The following EYS variants were observed in gnomAD, a reference collection of about 807,000 sequenced individuals.
EYS encodes the protein EGF-like photoreceptor maintenance factor, also known as protein eyes shut homolog.
In EYS, 250 loss-of-function variants were observed where a neutral mutation model predicts 282.1. That is an observed-to-expected ratio of 0.89 (90% CI 0.80 to 0.98). EYS has a LOEUF of 0.98. Among genes scored for constraint, EYS ranks in the 50% least tolerant of loss-of-function variants. EYS has a pLI of 0.00. For synonymous variants in EYS, 1,355 were observed against 1,282.9 expected, an observed-to-expected ratio of 1.06 and a Z score of -1.20; for missense variants, 4,016 against 3,709.0, an observed-to-expected ratio of 1.08 and a Z score of -2.15.
intron 22 of EYS, among the ~76,000 whole-genome samples, chr6:64,713,929 T>C (rs1471727272): frequency 6.6e-6 from 1 of 152,230 alleles, no homozygotes; most frequent in African/African-American, 2.4e-5. Flanking sequence ...ACTGAAGGCA[T>C]TATGTTCCAA....
chr6:64,522,007 C>A (rs558587748), intron 26 of EYS, among the ~76,000 whole-genome samples: 2 of 151,858 alleles, frequency 1.3e-5, no homozygotes, highest in Admixed American at 1.3e-4. Context: ...TATAAATACA[C>A]ATTTTTCATA....
At chr6:63,852,156 C>A (rs867568662) in intron 36 of EYS, among the ~76,000 whole-genome samples, 60 of 54,972 alleles carry the variant, frequency 1.1e-3, no homozygotes, top group African/African-American at 2.5e-3. Flanking sequence ...GACTCTGTCT[C>A]AAAAAAAAAA....
At chr6:65,411,657 T>C (rs112621094) in intron 5 of EYS, among the ~76,000 whole-genome samples, 1 of 152,002 alleles carries the variant, frequency 6.6e-6, no homozygotes, top group Non-Finnish European at 1.5e-5. Context: ...TCCTGATCAC[T>C]GACAACCATC....
intron 1 of EYS, among the ~76,000 whole-genome samples, chr6:65,704,600 C>A (rs1316077677): frequency 1.3e-5 from 2 of 152,168 alleles, no homozygotes; most frequent in African/African-American, 2.4e-5. Flanking sequence ...ACATTTATAA[C>A]TTAATATTCG....
intron 22 of EYS, among the ~76,000 whole-genome samples, chr6:64,735,730 A>T (rs1246551760): frequency 2.0e-5 from 3 of 152,298 alleles, no homozygotes; most frequent in African/African-American, 7.2e-5. Flanking sequence ...ATAGTGTCTG[A>T]CAAAAGTATT....
chr6:64,590,524 C>T lies in EYS; in HGVS notation c.5343G>A (p.Val1781=), dbSNP rs1369443470. ...KNNLPPLTGS[V]PDFSEVTTNV... is the part of the protein sequence containing the mutation. ...TGGTGGTGACTTCTGAAAAATCAGG[C>T]ACTGAGCCTGTCAATGGTGGCAGAT... Residue 1781 remains valine (V), a synonymous_variant, in exon 26 of 43, where the codon GTG becomes GTA. Transcript: ENST00000503581. 16 of 1,551,296 alleles carry T rather than the reference C, an allele frequency of 1.0e-5. No individual in the cohort carries two copies. Among genetic ancestry groups the T allele is most frequent in the Admixed American group, 2.0e-5 (1 of 50,950 alleles).
At chr6:63,821,217 A>T (rs1238400735) in intron 36 of EYS, 1 of 151,742 alleles carries the variant, frequency 6.6e-6, no homozygotes, top group Non-Finnish European at 1.5e-5. Context: ...TGTGACTGGA[A>T]AATTTCTTAT....
At chr6:63,747,330 A>G (rs908218020) in intron 41 of EYS, among the ~76,000 whole-genome samples, 1 of 152,060 alleles carries the variant, frequency 6.6e-6, no homozygotes, top group Admixed American at 6.6e-5. Flanking sequence ...TAAGATTTCC[A>G]TCTTTTGCAT....
chr6:64,097,316 G>T (rs762394646), intron 31 of EYS, among the ~76,000 whole-genome samples: 8 of 152,178 alleles, frequency 5.3e-5, no homozygotes, highest in African/African-American at 9.7e-5. Context: ...AGAGGTTTCT[G>T]CTGCCTTTTG....
At chr6:64,016,099 C>G (rs1012341291) in intron 33 of EYS, among the ~76,000 whole-genome samples, 1 of 152,130 alleles carries the variant, frequency 6.6e-6, no homozygotes, top group East Asian at 1.9e-4. Context: ...TGTCCTGCCT[C>G]CTATTAAAAG....
intron 33 of EYS, among the ~76,000 whole-genome samples, chr6:64,042,055 C>T (rs538486128): frequency 2.6e-5 from 4 of 152,124 alleles, no homozygotes; most frequent in Non-Finnish European, 5.9e-5. Context: ...TTAGAAAAAT[C>T]TCTATCCTTT....
chr6:65,521,576 C>T (rs955698425), intron 2 of EYS, among the ~76,000 whole-genome samples: 5 of 152,110 alleles, frequency 3.3e-5, no homozygotes, highest in South Asian at 2.1e-4. Flanking sequence ...CATAGCCAAA[C>T]ATACCTGACA....
chr6:64,703,150 C>G (rs1223513667), intron 22 of EYS, among the ~76,000 whole-genome samples: 1 of 151,662 alleles, frequency 6.6e-6, no homozygotes, highest in Non-Finnish European at 1.5e-5. Flanking sequence ...GAAAAAGGAC[C>G]TGATTAACTC....
chr6:64,536,610 C>T (rs2149796484), intron 26 of EYS, among the ~76,000 whole-genome samples: 1 of 151,952 alleles, frequency 6.6e-6, no homozygotes, highest in African/African-American at 2.4e-5. Context: ...ATTTTCTCCC[C>T]AAAATTTGGG....
rs192359749 is a variant in EYS at position 65,105,840 on chromosome 6, G to C, written c.2024-48113C>G. Among the ~76,000 whole-genome samples, 96 of 151,968 alleles carry C rather than the reference G, an allele frequency of 6.3e-4. 1 individual carries two copies. The highest frequency in any genetic ancestry group is 2.3e-3 in the African/African-American group (94 of 41,528). ...TAATTTACATGCTATTGCTAGAGCA[G>C]GAAAATTATATCTTTGGAGAGATTA... is the stretch of plus-strand genomic sequence containing the variant. On this transcript the variant is annotated intron_variant, in intron 12 of 42. Coordinates refer to ENST00000503581, the MANE Select transcript of EYS (RefSeq NM_001142800.2).
chr6:65,436,377 A>G (rs1582288835), intron 5 of EYS, among the ~76,000 whole-genome samples: 1 of 152,252 alleles, frequency 6.6e-6, no homozygotes, highest in Non-Finnish European at 1.5e-5. Context: ...TGAAAATGAG[A>G]AGCAAGAGAA....
chr6:64,903,719 C>T (rs1293659367), intron 16 of EYS, among the ~76,000 whole-genome samples: 8 of 152,158 alleles, frequency 5.3e-5, no homozygotes, highest in African/African-American at 4.8e-5. Flanking sequence ...CAGATTCCCA[C>T]GATAGAACAC....
At chr6:64,629,071 T>C (rs1767698662) in intron 22 of EYS, among the ~76,000 whole-genome samples, 1 of 152,220 alleles carries the variant, frequency 6.6e-6, no homozygotes, top group Non-Finnish European at 1.5e-5. Context: ...CCACATTCCA[T>C]TTAGTTGCAT....
At chr6:64,957,350 C>T (rs1287038305) in intron 14 of EYS, among the ~76,000 whole-genome samples, 1 of 151,982 alleles carries the variant, frequency 6.6e-6, no homozygotes, top group Non-Finnish European at 1.5e-5. Context: ...TGCATGTTCT[C>T]ACTTAGTTGT....
Sources: gnomAD v4.1 joint callset for allele counts (sites outside exome capture counted in the v4.1 genomes callset) on GRCh38, gnomAD v4.1.1 for gene constraint, MANE v1.5 for transcripts, NCBI Gene and HGNC (gene_info 2026-07-23, HGNC 2026-07-21) for gene names.